The following WDR62 variants were observed in gnomAD, a reference collection of about 807,000 sequenced individuals.
WDR62 encodes the protein WD repeat-containing protein 62.
Under a neutral mutation model 160.6 loss-of-function variants are expected in WDR62, and 112 were observed. The observed-to-expected ratio is 0.70, with a 90% confidence interval of 0.60 to 0.82. The LOEUF (loss-of-function observed/expected upper bound fraction) is 0.82, where lower values mean the gene tolerates loss of function less well. Among genes scored for constraint, WDR62 ranks in the 40% least tolerant of loss-of-function variants. The probability of loss-of-function intolerance (pLI) is 0.00; values close to 1 mark genes in which losing one functional copy is unlikely to be tolerated. For synonymous variants in WDR62, 792 were observed against 815.1 expected (o/e 0.97, Z 0.48); for missense variants, 1,819 against 1,983.8 (o/e 0.92, Z 1.58).
In WDR62 at chr19:36,084,010, G is replaced by C. The variant is rs958537548; in HGVS notation, c.1551-643G>C. 4.6e-5 allele frequency among the ~76,000 whole-genome samples: 7 copies of C among 152,252 alleles called. No homozygotes were observed. The South Asian group carries it at 1.2e-3, about 27-fold the overall frequency. ...GAGCTGCTTACATTGACATGGCACT[G>C]TCTGGAGTGGCAAAACGGTACCAAG... On this transcript the variant is annotated intron_variant, in intron 11 of 31. Transcript: ENST00000401500.
chr19:36,078,103 T>C (rs1168878133), intron 9 of WDR62, among the ~76,000 whole-genome samples: 1 of 152,172 alleles, frequency 6.6e-6, no homozygotes, highest in East Asian at 1.9e-4. Context: ...TTCTACCTTA[T>C]GGCTGTTGCG....
chr19:36,059,093 A>T (rs780960018), intron 2 of WDR62: 1 of 683,660 alleles, frequency 1.5e-6, no homozygotes, highest in Non-Finnish European at 2.7e-6. Context: ...TTATGACTAC[A>T]GGGGGGAGGT....
chr19:36,070,654 A>C (rs943969128), intron 7 of WDR62: 3 of 152,188 alleles, frequency 2.0e-5, no homozygotes, highest in African/African-American at 4.8e-5. Context: ...TCCAAGTTTT[A>C]TCTCTGTCCT....
At chr19:36,105,626 C>T (rs1479535019), downstream of WDR62, among the ~76,000 whole-genome samples, 4 of 152,012 alleles carry the variant, frequency 2.6e-5, no homozygotes, top group Admixed American at 1.3e-4. Flanking sequence ...GTGGGAGGAT[C>T]GCTTGAGGCC....
chr19:36,068,304 C>A (rs1971054155), intron 7 of WDR62, among the ~76,000 whole-genome samples: 2 of 152,178 alleles, frequency 1.3e-5, no homozygotes, highest in African/African-American at 4.8e-5. Flanking sequence ...TGATCTACTT[C>A]ACATTTCTTT....
chr19:36,059,993 AAGG>A lies in WDR62; in HGVS notation c.298_300del (p.Glu100del). ...CTGTGTGGTGGTGATTTTGGACCCC[AAGG>A]AGAACAAGCAGCAGCACATCTTTAA... On this transcript the variant is annotated inframe_deletion, in exon 3 of 32. Transcript: ENST00000401500. The A allele has an allele frequency of 6.2e-7, 1 of 1,614,178 alleles. No individual in the cohort carries two copies. Among genetic ancestry groups the A allele is most frequent in the South Asian group, 1.1e-5 (1 of 91,088 alleles).
At chr19:36,077,363 C>G (rs1971634774) in intron 9 of WDR62, among the ~76,000 whole-genome samples, 1 of 146,690 alleles carries the variant, frequency 6.8e-6, no homozygotes, top group East Asian at 2.1e-4. Flanking sequence ...TCACTGCAAG[C>G]TCCGCCTCCC....
chr19:36,059,686 C>T (rs1209494624), intron 2 of WDR62, among the ~76,000 whole-genome samples: 1 of 152,120 alleles, frequency 6.6e-6, no homozygotes, highest in African/African-American at 2.4e-5. Context: ...CCCTCCTGCC[C>T]CATACTCCCA....
chr19:36,083,374 A>G (rs1972017389), intron 11 of WDR62, 133 bp downstream of exon 11: 1 of 937,332 alleles, frequency 1.1e-6, no homozygotes, highest in Admixed American at 2.0e-5. Flanking sequence ...TAGTAATCCC[A>G]TGAACAGCTC....
chr19:36,085,049 CAA>C (rs1228598304), intron 12 of WDR62, among the ~76,000 whole-genome samples: 1 of 152,122 alleles, frequency 6.6e-6, no homozygotes, highest in Non-Finnish European at 1.5e-5. Flanking sequence ...GCATTATTTT[CAA>C]AAAGTTTGAA....
Position 36,071,733 on chromosome 19 carries a change from A to G in WDR62, c.1043+17A>G, listed in dbSNP as rs773714688. 34 of 1,605,816 alleles carry G rather than the reference A, an allele frequency of 2.1e-5. No individual in the cohort carries two copies. The highest frequency in any genetic ancestry group is 2.8e-5 in the Non-Finnish European group (33 of 1,174,226). On this transcript the variant is annotated intron_variant, in intron 8 of 31. Coordinates refer to ENST00000401500, the MANE Select transcript of WDR62 (RefSeq NM_001083961.2). ...GGAGCCCAGGTACTGCCCTGTGGGG[A>G]GAGGGAATGGGAGGGGCCCACCCAG...
chr19:36,097,380 G>A (rs564034093), intron 21 of WDR62, among the ~76,000 whole-genome samples: 1 of 152,336 alleles, frequency 6.6e-6, no homozygotes, highest in East Asian at 1.9e-4. Context: ...GTAGTAGGTT[G>A]GGTGCTGATA....
chr19:36,092,881 G>T (rs1972717416), intron 19 of WDR62, 70 bp downstream of exon 19: 7 of 1,610,820 alleles, frequency 4.3e-6, no homozygotes, highest in Non-Finnish European at 5.9e-6. Context: ...TGATGCTGGG[G>T]ACACAGTGGT....
chr19:36,093,925 G>A (rs1027985618), intron 19 of WDR62, 106 bp from the exon 20 acceptor site: 2 of 1,430,178 alleles, frequency 1.4e-6, no homozygotes, highest in Non-Finnish European at 2.0e-6. Flanking sequence ...CAGCAGCCAA[G>A]AATATGTTCA....
chr19:36,071,561 C>T lies in WDR62; in HGVS notation c.888C>T (p.Ser296=). 4 of 1,614,240 alleles carry T rather than the reference C, an allele frequency of 2.5e-6. No homozygotes were observed. Residue 296 remains serine, a synonymous_variant, in exon 8 of 32, where the codon TCC becomes TCT. Coordinates refer to ENST00000401500, the MANE Select transcript of WDR62 (RefSeq NM_001083961.2). The stretch of plus-strand genomic sequence containing the variant: ...GGTCCCTTTTGCCCCTACAGGTCTC[C>T]CTGTCTTCCTGCCTCTGTGTCAGCC... The part of the protein sequence containing the change: ...VLEKWINLKV[S]LSSCLCVSQE...
intron 4 of WDR62, 48 bp downstream of exon 4, chr19:36,066,063 G>A: frequency 6.2e-7 from 1 of 1,606,792 alleles, no homozygotes; most frequent in Non-Finnish European, 8.5e-7. Context: ...GGGGGGTCTT[G>A]GAAGCCATTC....
rs1486870034 is a variant in WDR62, at chr19:36,054,964, G to T, written c.-8G>T. Reference sequence around the variant, plus strand: ...GGGATGTAACGGTCGCCCGCCTCCGGCGTGACGATGGCGGCCGTAGGGTCC... The same window carrying T: ...GGGATGTAACGGTCGCCCGCCTCCGTCGTGACGATGGCGGCCGTAGGGTCC... On this transcript the variant is annotated 5_prime_UTR_variant, in exon 1 of 32. Coordinates refer to ENST00000401500, the MANE Select transcript of WDR62 (RefSeq NM_001083961.2). 1.1e-5 allele frequency: 18 copies of T among 1,589,952 alleles called. No individual in the cohort carries two copies. In the East Asian group the frequency reaches 1.4e-4, roughly 12 times the overall value.
chr19:36,079,885 T>C (rs1345729127), intron 9 of WDR62, among the ~76,000 whole-genome samples: 1 of 152,162 alleles, frequency 6.6e-6, no homozygotes, highest in African/African-American at 2.4e-5. Context: ...TGGGTTTTGC[T>C]ATCTGGTTGA....
chr19:36,098,596 A>G (rs1973123165), intron 21 of WDR62, among the ~76,000 whole-genome samples: 3 of 151,878 alleles, frequency 2.0e-5, no homozygotes, highest in African/African-American at 2.4e-5. Flanking sequence ...AATGTGGATT[A>G]TAAGAGACAG....
Sources: allele counts gnomAD v4.1 joint callset (sites outside exome capture counted in the v4.1 genomes callset), GRCh38; gene constraint gnomAD v4.1.1; transcripts MANE v1.5; gene names NCBI Gene and HGNC (gene_info 2026-07-23, HGNC 2026-07-21).